The following PARD3 variants were observed in gnomAD, a reference collection of about 807,000 sequenced individuals.
PARD3 encodes par-3 family cell polarity regulator, also known as partitioning defective 3 homolog.
In PARD3, 75 loss-of-function variants were observed where a neutral mutation model predicts 155.4. The ratio of observed to expected loss-of-function variants is 0.48; its 90% CI spans 0.40 to 0.58. The LOEUF (loss-of-function observed/expected upper bound fraction) is 0.58, where lower values mean the gene tolerates loss of function less well. Among genes scored for constraint, PARD3 ranks in the 20% least tolerant of loss-of-function variants. PARD3 has a pLI of 0.00. For synonymous variants in PARD3, 576 were observed against 610.5 expected (o/e 0.94, Z 0.83); for missense variants, 1,642 against 1,721.7 (o/e 0.95, Z 0.82).
intron 14 of PARD3, among the ~76,000 whole-genome samples, chr10:34,358,287 T>C (rs913528740): frequency 1.3e-5 from 2 of 152,210 alleles, no homozygotes; most frequent in Admixed American, 6.5e-5. Context: ...AGTATGTTTT[T>C]CCATATTTGG....
rs540003674 is a variant in PARD3 at position 34,665,157 on chromosome 10, AG to A, written c.222+31160del. On this transcript the variant is annotated intron_variant, in intron 2 of 24. Transcript: ENST00000374788. ...ATACAATCAAAGTTATTAATAATTA[AG>A]ATTTCCAGAACGTGTTTATTAAAAT... 3.7e-4 allele frequency among the ~76,000 whole-genome samples: 56 copies of A among 152,326 alleles called. 1 individual carries two copies. Among genetic ancestry groups the A allele is most frequent in the African/African-American group, 1.3e-3 (52 of 41,572 alleles).
At chr10:34,780,428 T>C (rs138178469) in intron 1 of PARD3, among the ~76,000 whole-genome samples, 1,834 of 152,356 alleles carry the variant, frequency 0.012, 15 homozygotes, top group Middle Eastern at 0.034. Context: ...CTTTGCACTA[T>C]TAATAAATTT....
intron 2 of PARD3, among the ~76,000 whole-genome samples, chr10:34,579,908 G>GAAAA (rs574829315): frequency 3.4e-4 from 44 of 130,370 alleles, no homozygotes; most frequent in African/African-American, 1.1e-3. Flanking sequence ...TTTCACTACA[G>GAAAA]AAAAAAAAAA....
At position 34,470,251 on chromosome 10, in the gene PARD3, T is replaced by C. The variant is rs1564749004; in HGVS notation, c.416A>G (p.His139Arg). Reference protein sequence around the residue: ...PSVLRANMPLHVRRSSDPALI... With the variant: ...PSVLRANMPLRVRRSSDPALI... Reference sequence around the variant, plus strand: ...AGCTGGGTCACTACTGCGTCGAACATGAAGAGGCATATCTGTAAACACAAA... The same window carrying C: ...AGCTGGGTCACTACTGCGTCGAACACGAAGAGGCATATCTGTAAACACAAA... The change falls in exon 4 of 25, where the codon CAT becomes CGT. Residue 139 changes from histidine (H) to arginine (R), a missense_variant. This residue lies in a region of PARD3 where 1,529 missense variants were observed against 1,587.3 expected (regional missense o/e 0.96). Transcript: ENST00000374788. 1.2e-6 allele frequency: 2 copies of C among 1,600,190 alleles called. No homozygotes were observed. The highest frequency in any genetic ancestry group is 8.5e-7 in the Non-Finnish European group (1 of 1,172,510).
At chr10:34,662,748 T>C (rs1165582550) in intron 2 of PARD3, among the ~76,000 whole-genome samples, 1 of 151,990 alleles carries the variant, frequency 6.6e-6, no homozygotes, top group East Asian at 1.9e-4. Flanking sequence ...ATTAGATGCC[T>C]GTAATTCCAG....
At chr10:34,587,745 A>T (rs554264525) in intron 2 of PARD3, among the ~76,000 whole-genome samples, 1 of 152,274 alleles carries the variant, frequency 6.6e-6, no homozygotes, top group African/African-American at 2.4e-5. Context: ...AGTTTCGTGC[A>T]AGTACTATGT....
intron 3 of PARD3, among the ~76,000 whole-genome samples, chr10:34,473,859 C>A (rs1471191662): frequency 6.6e-6 from 1 of 152,214 alleles, no homozygotes. Flanking sequence ...TGCAAAACTG[C>A]CCTGGGCTGC....
intron 22 of PARD3, among the ~76,000 whole-genome samples, chr10:34,143,023 T>C (rs1467932014): frequency 1.3e-5 from 2 of 152,140 alleles, no homozygotes; most frequent in Non-Finnish European, 2.9e-5. Flanking sequence ...GAATACATTA[T>C]AAAAATTTGA....
At chr10:34,144,266 T>A (rs1349187319) in intron 22 of PARD3, among the ~76,000 whole-genome samples, 1 of 152,206 alleles carries the variant, frequency 6.6e-6, no homozygotes, top group African/African-American at 2.4e-5. Context: ...CTTAAAAGAA[T>A]CATTAAAAGA....
intron 3 of PARD3, among the ~76,000 whole-genome samples, chr10:34,486,200 G>A (rs781196466): frequency 7.9e-5 from 12 of 152,082 alleles, no homozygotes; most frequent in Non-Finnish European, 1.3e-4. Flanking sequence ...TTAGAGGCAC[G>A]AGCCAGCCTG....
intron 2 of PARD3, among the ~76,000 whole-genome samples, chr10:34,548,348 A>C (rs998271928): frequency 1.3e-5 from 2 of 152,022 alleles, no homozygotes; most frequent in Non-Finnish European, 2.9e-5. Context: ...CACACACAAA[A>C]AAAAGCCAGG....
Position 34,145,206 on chromosome 10 carries a change from TA to T in PARD3, c.3420-13624del, listed in dbSNP as rs1948413515. Among the ~76,000 whole-genome samples the T allele has an allele frequency of 2.4e-4, 16 of 66,538 alleles. 1 individual carries two copies. The South Asian group carries it at 7.0e-3, about 29-fold the overall frequency. The allele number at this position is 66,538 out of a possible 152,430, so 43.7% of individuals were successfully genotyped here. A position where few individuals can be genotyped will look rare whatever the true frequency, so the allele number is the denominator to read the frequency against. On this transcript the variant is annotated intron_variant, in intron 22 of 24. Transcript: ENST00000374788. ...GTGTGTGTGTATATATATATATATA[TA>T]TATATATATATATATTTTTTTTTTT...
intron 22 of PARD3, among the ~76,000 whole-genome samples, chr10:34,238,717 T>C (rs2133630651): frequency 6.6e-6 from 1 of 152,336 alleles, no homozygotes; most frequent in East Asian, 1.9e-4. Flanking sequence ...ACTTGGAAGA[T>C]GACTCTAACC....
intron 22 of PARD3, among the ~76,000 whole-genome samples, chr10:34,216,649 C>T (rs1952015975): frequency 6.6e-6 from 1 of 152,204 alleles, no homozygotes; most frequent in African/African-American, 2.4e-5. Flanking sequence ...GTCCCTCTGG[C>T]AGGAAATGGT....
chr10:34,376,934 AT>A (rs1481135340), intron 10 of PARD3, among the ~76,000 whole-genome samples: 3 of 152,306 alleles, frequency 2.0e-5, no homozygotes, highest in Admixed American at 6.5e-5. Flanking sequence ...TTTAAAACAT[AT>A]TTTTCAATTT....
intron 1 of PARD3, among the ~76,000 whole-genome samples, chr10:34,720,824 C>G (rs1835830475): frequency 6.6e-6 from 1 of 151,890 alleles, no homozygotes; most frequent in South Asian, 2.1e-4. Flanking sequence ...TCTTAACCCA[C>G]CTAAAATAAG....
At chr10:34,398,011 T>G (rs561311080) in intron 7 of PARD3, among the ~76,000 whole-genome samples, 150 of 152,306 alleles carry the variant, frequency 9.8e-4, no homozygotes, top group Non-Finnish European at 1.5e-3. Context: ...TGAAGAAATT[T>G]TAATGCTTCT....
At chr10:34,289,185 T>A (rs1293190519) in intron 20 of PARD3, among the ~76,000 whole-genome samples, 1 of 151,936 alleles carries the variant, frequency 6.6e-6, no homozygotes, top group Non-Finnish European at 1.5e-5. Context: ...CCTGCGGGTC[T>A]TTTTTTGAGG....
Position 34,331,152 on chromosome 10 carries a change from G to A in PARD3, c.2798C>T (p.Pro933Leu), listed in dbSNP as rs753538217. 8 of 1,613,624 alleles carry A rather than the reference G, an allele frequency of 5.0e-6. No homozygotes were observed. Among genetic ancestry groups the A allele is most frequent in the Non-Finnish European group, 6.8e-6 (8 of 1,179,868 alleles). ...GCCTTCATCATCATCATCTACCGCGGGTTTATCATAAGATTTGTCGATGGC... is the reference window on the plus strand; with the variant it reads ...GCCTTCATCATCATCATCTACCGCGAGTTTATCATAAGATTTGTCGATGGC... ...RAAIDKSYDKPAVDDDDEGME... is the reference protein window; with the variant it reads ...RAAIDKSYDKLAVDDDDEGME... The change falls in exon 19 of 25, where the codon CCC becomes CTC. Residue 933 changes from proline (P) to leucine (L), a missense_variant. Physicochemically the swap from Pro to Leu is moderately conservative, Grantham distance 98. Transcript: ENST00000374788.
Sources: gnomAD v4.1 joint callset for allele counts (sites outside exome capture counted in the v4.1 genomes callset) on GRCh38, gnomAD v4.1.1 for gene constraint, gnomAD v4.1.1 regional missense constraint, MANE v1.5 for transcripts, NCBI Gene and HGNC (gene_info 2026-07-23, HGNC 2026-07-21) for gene names.